The following KCNQ3 variants were observed in gnomAD, a reference collection of about 807,000 sequenced individuals.
KCNQ3 encodes potassium voltage-gated channel subfamily Q member 3.
Under a neutral mutation model 92.5 loss-of-function variants are expected in KCNQ3, and 30 were observed. The observed-to-expected ratio is 0.32, with a 90% CI of 0.24 to 0.44. The LOEUF is 0.44. KCNQ3 is among the 20% of genes least tolerant of loss of function. KCNQ3 has a pLI of 1.00. For synonymous variants in KCNQ3, 450 were observed against 468.8 expected, an observed-to-expected ratio of 0.96 and a Z score of 0.52; for missense variants, 913 against 1,140.3, an observed-to-expected ratio of 0.80 and a Z score of 2.87.
Position 132,180,341 on chromosome 8 carries a change from G to A in KCNQ3, c.605-12C>T. The A allele has an allele frequency of 6.2e-7, 1 of 1,613,556 alleles. No homozygotes were observed. Among genetic ancestry groups the A allele is most frequent in the South Asian group, 1.1e-5 (1 of 91,082 alleles). ...CAGCACAAAGATGTCTGGGAGAGAG[G>A]ACAGACAGAGTGGGAGGGAAGAGGG... is the stretch of plus-strand genomic sequence containing the variant. On this transcript the variant is annotated splice_polypyrimidine_tract_variant and intron_variant, in intron 3 of 14. Transcript: ENST00000388996.
In KCNQ3 at chr8:132,123,527, G is replaced by T. The variant is rs983930101; in HGVS notation, c.*5735C>A. On this transcript the variant is annotated 3_prime_UTR_variant, in exon 15 of 15. Coordinates refer to ENST00000388996, the MANE Select transcript of KCNQ3 (RefSeq NM_004519.4). Reference sequence around the variant, plus strand: ...GTTTAACAGTTTCTCAAGTGGGCCAGGAAGTTCTTTTTCATGTTCTGGGCT... The same window carrying T: ...GTTTAACAGTTTCTCAAGTGGGCCATGAAGTTCTTTTTCATGTTCTGGGCT... The T allele has an allele frequency of 6.6e-6, 1 of 152,194 alleles. No individual in the cohort carries two copies. Among genetic ancestry groups the T allele is most frequent in the African/African-American group, 2.4e-5 (1 of 41,454 alleles). The allele number at this position is 152,194 out of a possible 1,614,324, so 9.4% of individuals were successfully genotyped here. A position where few individuals can be genotyped will look rare whatever the true frequency, so the allele number is the denominator to read the frequency against.
At chr8:132,400,513 G>A (rs544299409) in intron 1 of KCNQ3, among the ~76,000 whole-genome samples, 5 of 152,332 alleles carry the variant, frequency 3.3e-5, no homozygotes, top group East Asian at 3.9e-4. Context: ...GCAAGAGCAC[G>A]GAGCCAGCTC....
intron 1 of KCNQ3, among the ~76,000 whole-genome samples, chr8:132,418,092 T>A (rs2130806797): frequency 6.6e-6 from 1 of 152,300 alleles, no homozygotes; most frequent in East Asian, 1.9e-4. Context: ...ACACTTAGCA[T>A]GCTGGCACTG....
At chr8:132,473,336 T>C (rs1172982480) in intron 1 of KCNQ3, among the ~76,000 whole-genome samples, 1 of 152,176 alleles carries the variant, frequency 6.6e-6, no homozygotes, top group Non-Finnish European at 1.5e-5. Flanking sequence ...ACTTCAGTAA[T>C]GAATTACAGT....
At chr8:132,429,507 C>T (rs1404237255) in intron 1 of KCNQ3, among the ~76,000 whole-genome samples, 2 of 152,114 alleles carry the variant, frequency 1.3e-5, no homozygotes, top group African/African-American at 2.4e-5. Context: ...TTTCTAGATC[C>T]ATCTCAAAGT....
intron 1 of KCNQ3, among the ~76,000 whole-genome samples, chr8:132,277,507 A>G (rs58230229): frequency 6.6e-6 from 1 of 152,334 alleles, no homozygotes; most frequent in East Asian, 1.9e-4. Flanking sequence ...TGCCAAATCA[A>G]TCTGAAGGAG....
At chr8:132,423,034 G>A (rs946692590) in intron 1 of KCNQ3, among the ~76,000 whole-genome samples, 2 of 152,162 alleles carry the variant, frequency 1.3e-5, no homozygotes, top group Admixed American at 6.5e-5. Flanking sequence ...TTCCCAAGAC[G>A]CACACATTGC....
chr8:132,374,046 G>C (rs1006461442), intron 1 of KCNQ3, among the ~76,000 whole-genome samples: 1 of 152,058 alleles, frequency 6.6e-6, no homozygotes, highest in African/African-American at 2.4e-5. Flanking sequence ...AGGGGAGGAC[G>C]AAAGCCCCAG....
At chr8:132,331,788 C>G (rs1203435859) in intron 1 of KCNQ3, among the ~76,000 whole-genome samples, 1 of 152,184 alleles carries the variant, frequency 6.6e-6, no homozygotes, top group Non-Finnish European at 1.5e-5. Context: ...GAAGAGATTT[C>G]CTTGATGGGC....
chr8:132,377,237 C>T (rs185151769), intron 1 of KCNQ3, among the ~76,000 whole-genome samples: 72 of 152,276 alleles, frequency 4.7e-4, no homozygotes, highest in African/African-American at 1.6e-3. Flanking sequence ...TAGGGCATCC[C>T]TCTTCTGCTT....
intron 1 of KCNQ3, among the ~76,000 whole-genome samples, chr8:132,420,517 C>T (rs900273933): frequency 9.9e-5 from 15 of 152,108 alleles, no homozygotes; most frequent in African/African-American, 3.4e-4. Context: ...GATGTCTCCT[C>T]GGCTGACACC....
chr8:132,124,342 C>G lies in KCNQ3; in HGVS notation c.*4920G>C, dbSNP rs1395585711. The G allele has an allele frequency of 3.9e-5, 6 of 152,154 alleles. No homozygotes were observed. The highest frequency in any genetic ancestry group is 3.9e-4 in the Admixed American group (6 of 15,278). 9.4% of individuals were successfully genotyped at this position (152,154 alleles called of 1,614,324 possible). On this transcript the variant is annotated 3_prime_UTR_variant, in exon 15 of 15. Coordinates refer to ENST00000388996, the MANE Select transcript of KCNQ3 (RefSeq NM_004519.4). ...AAAGACTGAGACAATGAAGTCCATG[C>G]ATACTGTAAAAAAATAACATAAATA... is the stretch of plus-strand genomic sequence containing the variant.
intron 1 of KCNQ3, among the ~76,000 whole-genome samples, chr8:132,340,564 G>C (rs1280094316): frequency 6.6e-6 from 1 of 152,110 alleles, no homozygotes; most frequent in Admixed American, 6.6e-5. Context: ...TGAACAATGA[G>C]AACACATGGA....
At chr8:132,456,022 G>A (rs1161788334) in intron 1 of KCNQ3, among the ~76,000 whole-genome samples, 8 of 152,124 alleles carry the variant, frequency 5.3e-5, no homozygotes, top group Non-Finnish European at 1.0e-4. Context: ...TGGGATTACA[G>A]GCATGAGCCA....
chr8:132,359,698 T>G (rs58204254), intron 1 of KCNQ3, among the ~76,000 whole-genome samples: 1 of 152,172 alleles, frequency 6.6e-6, no homozygotes, highest in Non-Finnish European at 1.5e-5. Context: ...AAACTAGTAA[T>G]GATGACATTA....
At chr8:132,184,480 T>TC (rs1826896522) in intron 2 of KCNQ3, 113 bp from the exon 3 acceptor site, 1 of 1,247,992 alleles carries the variant, frequency 8.0e-7, no homozygotes, top group Admixed American at 1.7e-5. Context: ...TTGCTGGTTG[T>TC]CTGGTTGGCA....
intron 1 of KCNQ3, among the ~76,000 whole-genome samples, chr8:132,466,084 T>C (rs968423647): frequency 6.6e-6 from 1 of 152,160 alleles, no homozygotes; most frequent in Non-Finnish European, 1.5e-5. Flanking sequence ...TTGCGGTGCT[T>C]CTGAGAACAC....
intron 1 of KCNQ3, among the ~76,000 whole-genome samples, chr8:132,287,180 A>AT (rs1341006253): frequency 1.3e-5 from 2 of 152,192 alleles, no homozygotes; most frequent in Non-Finnish European, 2.9e-5. Flanking sequence ...TGTTATTGAG[A>AT]TTTTATAGAA....
chr8:132,157,560 C>T (rs1346988829), intron 9 of KCNQ3, among the ~76,000 whole-genome samples: 1 of 152,344 alleles, frequency 6.6e-6, no homozygotes, highest in East Asian at 1.9e-4. Flanking sequence ...TGCTCTGTCC[C>T]TGTGCTGTTT....
Sources: gnomAD v4.1 joint callset for allele counts (sites outside exome capture counted in the v4.1 genomes callset) on GRCh38, gnomAD v4.1.1 for gene constraint, MANE v1.5 for transcripts, NCBI Gene and HGNC (gene_info 2026-07-23, HGNC 2026-07-21) for gene names.